ATF7: variants seen among roughly 807,000 people sequenced by gnomAD.
ATF7 encodes the protein cyclic AMP-dependent transcription factor ATF-7.
A neutral mutation model predicts 50.4 loss-of-function variants in ATF7; 10 were observed. That is an observed-to-expected ratio of 0.20 (90% CI 0.12 to 0.34). The LOEUF (loss-of-function observed/expected upper bound fraction) is 0.34. Ranked by LOEUF, ATF7 falls within the 10% of genes least tolerant of loss-of-function variation. The pLI is 1.00. For synonymous variants in ATF7, 201 were observed against 226.4 expected, an observed-to-expected ratio of 0.89 and a Z score of 1.01; for missense variants, 465 against 613.9, an observed-to-expected ratio of 0.76 and a Z score of 2.56.
chr12:53,622,574 T>C (rs1277522208), intron 1 of ATF7, among the ~76,000 whole-genome samples: 2 of 150,808 alleles, frequency 1.3e-5, no homozygotes, highest in Admixed American at 6.6e-5. Flanking sequence ...TGAGCTGAGA[T>C]TGTGCCACTG....
intron 2 of ATF7, among the ~76,000 whole-genome samples, chr12:53,565,977 A>G (rs185124486): frequency 7.4e-4 from 112 of 152,308 alleles, no homozygotes; most frequent in African/African-American, 2.6e-3. Context: ...GCAAAGGAGA[A>G]GCAGAGTCAC....
chr12:53,570,388 C>G (rs1473209750), intron 2 of ATF7, among the ~76,000 whole-genome samples: 1 of 152,144 alleles, frequency 6.6e-6, no homozygotes, highest in African/African-American at 2.4e-5. Context: ...ATTAAAAATA[C>G]TGATGGGTGT....
chr12:53,543,491 G>C, intron 3 of ATF7, 43 bp from the exon 4 acceptor site: 1 of 1,485,854 alleles, frequency 6.7e-7, no homozygotes, highest in Non-Finnish European at 9.1e-7. Flanking sequence ...GTTTTGATCT[G>C]AAATTAAAAC....
chr12:53,592,680 A>C (rs183965365), intron 2 of ATF7, among the ~76,000 whole-genome samples: 24 of 152,318 alleles, frequency 1.6e-4, no homozygotes, highest in Admixed American at 1.1e-3. Context: ...AAGAAAAAAA[A>C]CCCTCAAATT....
At chr12:53,567,372 A>G (rs1489473685) in intron 2 of ATF7, among the ~76,000 whole-genome samples, 3 of 152,186 alleles carry the variant, frequency 2.0e-5, no homozygotes, top group Non-Finnish European at 2.9e-5. Context: ...GTGGCACCTT[A>G]CAATGCTGCT....
intron 3 of ATF7, among the ~76,000 whole-genome samples, chr12:53,551,076 A>G (rs141319190): frequency 6.6e-6 from 1 of 152,184 alleles, no homozygotes; most frequent in African/African-American, 2.4e-5. Context: ...AAATACTACA[A>G]TTTTTTTATG....
intron 10 of ATF7, 45 bp from the exon 11 acceptor site, chr12:53,523,429 T>C: frequency 7.2e-7 from 1 of 1,385,378 alleles, no homozygotes; most frequent in Non-Finnish European, 1.0e-6. Flanking sequence ...ATTCATCCTC[T>C]ACTCTTGCAC....
At chr12:53,542,989 T>C (rs1273026402) in intron 4 of ATF7, 11 of 1,193,128 alleles carry the variant, frequency 9.2e-6, no homozygotes, top group Non-Finnish European at 1.1e-5. Flanking sequence ...GCAACAAATA[T>C]GTTATCCAAC....
In ATF7 at chr12:53,514,390, T is replaced by C. The variant is rs1944225133; in HGVS notation, c.*2747A>G. Reference sequence around the variant, plus strand: ...GCCATGGACTTTAGGAAGGGCCAAGTGACACCTTCCATGATGTTTGGTTCT... The same window carrying C: ...GCCATGGACTTTAGGAAGGGCCAAGCGACACCTTCCATGATGTTTGGTTCT... On this transcript the variant is annotated 3_prime_UTR_variant, in exon 12 of 12. Coordinates refer to ENST00000420353, the MANE Select transcript of ATF7 (RefSeq NM_006856.3). The C allele has an allele frequency of 6.6e-6, 1 of 152,234 alleles. No individual in the cohort carries two copies. Among genetic ancestry groups the C allele is most frequent in the African/African-American group, 2.4e-5 (1 of 41,454 alleles). The allele number at this position is 152,234 out of a possible 1,614,324, so 9.4% of individuals were successfully genotyped here.
intron 1 of ATF7, among the ~76,000 whole-genome samples, chr12:53,620,416 A>G (rs2137939444): frequency 6.6e-6 from 1 of 151,376 alleles, no homozygotes. Context: ...CTCTACTAAA[A>G]ATACAAAAAA....
At chr12:53,617,664 C>T (rs1021892877) in intron 1 of ATF7, among the ~76,000 whole-genome samples, 2 of 151,932 alleles carry the variant, frequency 1.3e-5, no homozygotes, top group Non-Finnish European at 2.9e-5. Context: ...AAAAAAAAGA[C>T]TACTATACTA....
chr12:53,547,866 A>G (rs1485001532), intron 3 of ATF7, among the ~76,000 whole-genome samples: 1 of 151,674 alleles, frequency 6.6e-6, no homozygotes, highest in Non-Finnish European at 1.5e-5. Flanking sequence ...GATTATAGCT[A>G]TGTATGTATG....
Position 53,517,360 on chromosome 12 carries a change from A to G in ATF7, c.1235-6T>C. 1 of 1,611,432 alleles carries G rather than the reference A, an allele frequency of 6.2e-7. No individual in the cohort carries two copies. Among genetic ancestry groups the G allele is most frequent in the East Asian group, 2.2e-5 (1 of 44,878 alleles). ...TGAGCTTTCCTTGGGGCTTTCTGCC[A>G]GGAAGGAGGGCAAAGAGCAGAGAGC... On this transcript the variant is annotated splice_region_variant and splice_polypyrimidine_tract_variant and intron_variant, in intron 11 of 11. Coordinates refer to ENST00000420353, the MANE Select transcript of ATF7 (RefSeq NM_006856.3).
intron 11 of ATF7, among the ~76,000 whole-genome samples, chr12:53,520,055 C>T (rs1938016927): frequency 6.6e-6 from 1 of 152,074 alleles, no homozygotes; most frequent in East Asian, 1.9e-4. Context: ...GATTTAAAAT[C>T]ACTGAACTTC....
At chr12:53,550,268 G>A (rs1314862118) in intron 3 of ATF7, among the ~76,000 whole-genome samples, 1 of 149,912 alleles carries the variant, frequency 6.7e-6, no homozygotes, top group Non-Finnish European at 1.5e-5. Context: ...AGGTTGTGGT[G>A]AGCCGAGATT....
At chr12:53,591,651 T>C (rs1165550353) in intron 2 of ATF7, among the ~76,000 whole-genome samples, 2 of 152,310 alleles carry the variant, frequency 1.3e-5, no homozygotes, top group East Asian at 3.9e-4. Flanking sequence ...TGAGCTATTT[T>C]TCAGGAAAAG....
At chr12:53,575,239 C>T (rs1941993789) in intron 2 of ATF7, among the ~76,000 whole-genome samples, 1 of 152,122 alleles carries the variant, frequency 6.6e-6, no homozygotes, top group African/African-American at 2.4e-5. Context: ...GAAACCCTGT[C>T]TCTACTAAAA....
intron 2 of ATF7, among the ~76,000 whole-genome samples, chr12:53,587,843 A>ATATATATATATATATATATATATTTTT: frequency 8.1e-5 from 5 of 61,562 alleles, no homozygotes; most frequent in African/African-American, 1.0e-4. Flanking sequence ...ATATATATAT[A>ATATATATATATATATATATATATTTTT]TTTTTTTTTT....
chr12:53,587,843 A>ATATATATATATATATATATATATTT, intron 2 of ATF7, among the ~76,000 whole-genome samples: 28 of 61,540 alleles, frequency 4.5e-4, no homozygotes, highest in Non-Finnish European at 8.5e-4. Flanking sequence ...ATATATATAT[A>ATATATATATATATATATATATATTT]TTTTTTTTTT....
Sources: allele counts gnomAD v4.1 joint callset (sites outside exome capture counted in the v4.1 genomes callset), GRCh38; gene constraint gnomAD v4.1.1; transcripts MANE v1.5; gene names NCBI Gene and HGNC (gene_info 2026-07-23, HGNC 2026-07-21).